COLGALT1: variants seen among roughly 807,000 people sequenced by gnomAD.
COLGALT1 encodes procollagen galactosyltransferase 1.
In COLGALT1, 43 loss-of-function variants were observed where a neutral mutation model predicts 60.8. The observed-to-expected ratio is 0.71, with a 90% CI of 0.55 to 0.91. The LOEUF is 0.91. Among genes scored for constraint, COLGALT1 ranks in the 40% least tolerant of loss-of-function variants. The pLI is 0.00. For missense variants in COLGALT1, 845 were observed against 880.0 expected, an observed-to-expected ratio of 0.96 and a Z score of 0.50; for synonymous variants, 369 against 374.2, an observed-to-expected ratio of 0.99 and a Z score of 0.16.
intron 3 of COLGALT1, among the ~76,000 whole-genome samples, chr19:17,561,876 CTTT>C (rs924108809): frequency 1.3e-4 from 20 of 152,094 alleles, no homozygotes; most frequent in African/African-American, 4.3e-4. Context: ...TCCTGATTTT[CTTT>C]TTTCTTGTTT....
At chr19:17,573,608 G>A (rs1477197305) in intron 6 of COLGALT1, among the ~76,000 whole-genome samples, 1 of 152,166 alleles carries the variant, frequency 6.6e-6, no homozygotes, top group East Asian at 1.9e-4. Flanking sequence ...TGAGGTGGGA[G>A]AATCCTTTGA....
chr19:17,557,037 T>C (rs2076216304), intron 1 of COLGALT1, among the ~76,000 whole-genome samples: 1 of 152,246 alleles, frequency 6.6e-6, no homozygotes, highest in African/African-American at 2.4e-5. Context: ...CTCTCAGTGA[T>C]TTTATTATCA....
intron 3 of COLGALT1, among the ~76,000 whole-genome samples, chr19:17,565,796 G>A (rs2076276656): frequency 6.6e-6 from 1 of 152,210 alleles, no homozygotes; most frequent in Non-Finnish European, 1.5e-5. Flanking sequence ...AACTGCCACA[G>A]TGATCTGGCT....
Position 17,577,979 on chromosome 19 carries a change from G to C in COLGALT1, c.1156G>C (p.Glu386Gln). Residue 386 changes from glutamate (E) to glutamine (Q), a missense_variant, in exon 9 of 12, where the codon GAG becomes CAG. Coordinates refer to ENST00000252599, the MANE Select transcript of COLGALT1 (RefSeq NM_024656.4). ...DGKAMNTSQV[E>Q]ALGIQMLPGY... Reference sequence around the variant, plus strand: ...CAGAGCCATGAACACCAGCCAGGTGGAGGCGCTGGGGATCCAGATGCTGCC... The same window carrying C: ...CAGAGCCATGAACACCAGCCAGGTGCAGGCGCTGGGGATCCAGATGCTGCC... 1 of 1,611,320 alleles carries C rather than the reference G, an allele frequency of 6.2e-7. No individual in the cohort carries two copies. The highest frequency in any genetic ancestry group is 1.1e-5 in the South Asian group (1 of 90,790).
Position 17,581,866 on chromosome 19 carries a change from A to AT in COLGALT1, c.*424dup, listed in dbSNP as rs1466462203. The AT allele has an allele frequency of 5.2e-6, 1 of 191,378 alleles. No individual in the cohort carries two copies. The highest frequency in any genetic ancestry group is 1.1e-5 in the Non-Finnish European group (1 of 91,236). 11.9% of individuals were successfully genotyped at this position (191,378 alleles called of 1,614,324 possible). On this transcript the variant is annotated 3_prime_UTR_variant, in exon 12 of 12. Transcript: ENST00000252599. ...ATTTTTAAAATTCATTCAAGGATTTATTGAGTGCCTACTGTGTGTTGGGTG... is the reference window on the plus strand; with the variant it reads ...ATTTTTAAAATTCATTCAAGGATTTATTTGAGTGCCTACTGTGTGTTGGGTG...
intron 1 of COLGALT1, among the ~76,000 whole-genome samples, chr19:17,558,901 T>G (rs2076230848): frequency 6.6e-6 from 1 of 151,856 alleles, no homozygotes; most frequent in South Asian, 2.1e-4. Flanking sequence ...GGCTCACGCT[T>G]GTTAAGTCCA....
chr19:17,561,160 G>A (rs1161365883), intron 3 of COLGALT1, among the ~76,000 whole-genome samples: 3 of 151,660 alleles, frequency 2.0e-5, no homozygotes, highest in East Asian at 2.0e-4. Flanking sequence ...AGCCGAGATC[G>A]TGCCACTGCA....
At position 17,581,675 on chromosome 19, in the gene COLGALT1, C is replaced by G. The variant is rs2076383772; in HGVS notation, c.*231C>G. On this transcript the variant is annotated 3_prime_UTR_variant, in exon 12 of 12. Coordinates refer to ENST00000252599, the MANE Select transcript of COLGALT1 (RefSeq NM_024656.4). ...CCTGGGGAATTGGGAGGAACCAAGC[C>G]CTCTTCATCTGTTCATGTGCCCAGC... is the stretch of plus-strand genomic sequence containing the variant. 4 of 595,764 alleles carry G rather than the reference C, an allele frequency of 6.7e-6. No homozygotes were observed. In the East Asian group the frequency reaches 1.1e-4, roughly 17 times the overall value. The allele number at this position is 595,764 out of a possible 1,614,324, so 36.9% of individuals were successfully genotyped here. A position where few individuals can be genotyped will look rare whatever the true frequency, so the allele number is the denominator to read the frequency against.
intron 2 of COLGALT1, 52 bp from the exon 3 acceptor site, chr19:17,560,296 C>T: frequency 6.6e-7 from 1 of 1,508,580 alleles, no homozygotes. Flanking sequence ...CAGGCCCTCG[C>T]TGGGCTTTGA....
At chr19:17,562,591 G>A (rs1226604312) in intron 3 of COLGALT1, among the ~76,000 whole-genome samples, 1 of 152,002 alleles carries the variant, frequency 6.6e-6, no homozygotes, top group African/African-American at 2.4e-5. Flanking sequence ...GAACCCGGGA[G>A]GCAGAGGTTG....
chr19:17,582,024 T>TTTTTTAATGATA lies in COLGALT1; in HGVS notation c.*580_*581insTTTTTAATGATA. 6.4e-6 allele frequency: 1 copy of TTTTTTAATGATA among 155,264 alleles called. No homozygotes were observed. The highest frequency in any genetic ancestry group is 1.4e-5 in the Non-Finnish European group (1 of 69,914). The allele number at this position is 155,264 out of a possible 1,614,324, so 9.6% of individuals were successfully genotyped here. On this transcript the variant is annotated 3_prime_UTR_variant, in exon 12 of 12. Coordinates refer to ENST00000252599, the MANE Select transcript of COLGALT1 (RefSeq NM_024656.4). ...CCCAGCGTCCAGCAATTCTTGTTTCTCGGCCTCCCAAGTAGCTGGGACTAT... is the reference window on the plus strand; with the variant it reads ...CCCAGCGTCCAGCAATTCTTGTTTCTTTTTTAATGATACGGCCTCCCAAGTAGCTGGGACTAT...
chr19:17,556,310 C>CTAGAG (rs2076211110), intron 1 of COLGALT1, among the ~76,000 whole-genome samples: 1 of 152,222 alleles, frequency 6.6e-6, no homozygotes, highest in Non-Finnish European at 1.5e-5. Flanking sequence ...GCAGCTCCGG[C>CTAGAG]CTCACTAACT....
chr19:17,563,356 A>ATT (rs1243653765), intron 3 of COLGALT1, among the ~76,000 whole-genome samples: 1 of 103,948 alleles, frequency 9.6e-6, no homozygotes. Flanking sequence ...ATGCCCGGCT[A>ATT]TTTTTTTTTT....
intron 5 of COLGALT1, among the ~76,000 whole-genome samples, chr19:17,568,998 G>T (rs891585624): frequency 1.3e-5 from 2 of 152,130 alleles, no homozygotes; most frequent in Non-Finnish European, 2.9e-5. Context: ...GCAGGCTAAG[G>T]CGGGTGGATC....
chr19:17,557,829 C>A (rs772759038), intron 1 of COLGALT1, among the ~76,000 whole-genome samples: 2 of 151,420 alleles, frequency 1.3e-5, no homozygotes, highest in Admixed American at 1.3e-4. Flanking sequence ...CTCGAACTCC[C>A]GAGCTCAAGT....
At chr19:17,562,847 A>ACG (rs1329978587) in intron 3 of COLGALT1, among the ~76,000 whole-genome samples, 1 of 152,096 alleles carries the variant, frequency 6.6e-6, no homozygotes, top group Admixed American at 6.6e-5. Flanking sequence ...GGAGAGAGGA[A>ACG]CGGGGACAGT....
intron 3 of COLGALT1, among the ~76,000 whole-genome samples, chr19:17,562,546 C>T (rs2076255352): frequency 6.6e-6 from 1 of 152,028 alleles, no homozygotes; most frequent in Admixed American, 6.6e-5. Flanking sequence ...CCTGTAACCC[C>T]AGCTACTTGG....
intron 2 of COLGALT1, 108 bp from the exon 3 acceptor site, chr19:17,560,240 C>A (rs574951313): frequency 2.6e-6 from 2 of 757,242 alleles, no homozygotes; most frequent in Non-Finnish European, 4.5e-6. Flanking sequence ...TCAGCTTACA[C>A]GTCCCCTCCT....
chr19:17,568,575 G>C lies in COLGALT1; in HGVS notation c.691G>C (p.Val231Leu). 1 of 1,614,220 alleles carries C rather than the reference G, an allele frequency of 6.2e-7. No individual in the cohort carries two copies. The highest frequency in any genetic ancestry group is 8.5e-7 in the Non-Finnish European group (1 of 1,180,038). Residue 231 changes from valine to leucine, a missense_variant, in exon 5 of 12, where the codon GTT (valine) becomes CTT (leucine). Coordinates refer to ENST00000252599, the MANE Select transcript of COLGALT1 (RefSeq NM_024656.4). ...RKRDRRGCFA[V>L]PMVHSTFLID... ...GCGAGACCGCCGGGGCTGCTTTGCAGTTCCCATGGTGCACTCGACCTTCCT... is the reference window on the plus strand; with the variant it reads ...GCGAGACCGCCGGGGCTGCTTTGCACTTCCCATGGTGCACTCGACCTTCCT...
Sources: allele counts gnomAD v4.1 joint callset (sites outside exome capture counted in the v4.1 genomes callset), GRCh38; gene constraint gnomAD v4.1.1; transcripts MANE v1.5; gene names NCBI Gene and HGNC (gene_info 2026-07-23, HGNC 2026-07-21).